The following MCC variants were observed in gnomAD, a reference collection of about 807,000 sequenced individuals.
The protein encoded by MCC is MCC regulator of Wnt signaling pathway, also known as colorectal mutant cancer protein.
MCC carries 90 observed loss-of-function variants against 116.2 expected under a neutral mutation model. The ratio of observed to expected loss-of-function variants is 0.77; its 90% CI spans 0.65 to 0.92. MCC has a LOEUF of 0.92. MCC is among the 40% of genes least tolerant of loss of function. The probability of loss-of-function intolerance (pLI) is 0.00; values close to 1 mark genes in which losing one functional copy is unlikely to be tolerated. For synonymous variants in MCC, 578 were observed against 510.5 expected, an observed-to-expected ratio of 1.13 and a Z score of -1.78; for missense variants, 1,516 against 1,312.2, an observed-to-expected ratio of 1.16 and a Z score of -2.40.
chr5:113,428,191 C>T (rs1770532235), intron 1 of MCC, among the ~76,000 whole-genome samples: 1 of 152,126 alleles, frequency 6.6e-6, no homozygotes, highest in Non-Finnish European at 1.5e-5. Context: ...AATCTTCAAC[C>T]TCTAGTACAA....
intron 3 of MCC, among the ~76,000 whole-genome samples, chr5:113,159,087 T>C (rs753807769): frequency 6.6e-6 from 1 of 152,186 alleles, no homozygotes; most frequent in Admixed American, 6.5e-5. Context: ...CCTCCAATGC[T>C]GTGATGAAGC....
intron 1 of MCC, among the ~76,000 whole-genome samples, chr5:113,416,128 G>A (rs377419828): frequency 3.3e-5 from 5 of 152,170 alleles, no homozygotes; most frequent in South Asian, 2.1e-4. Context: ...GAAATCACCC[G>A]TCTTCTGCAT....
At chr5:113,450,927 G>C (rs776659162) in intron 1 of MCC, among the ~76,000 whole-genome samples, 1 of 152,138 alleles carries the variant, frequency 6.6e-6, no homozygotes, top group African/African-American at 2.4e-5. Flanking sequence ...CTTGTAGGTT[G>C]TAATTCATCC....
chr5:113,266,824 C>T (rs1192462587), intron 3 of MCC, among the ~76,000 whole-genome samples: 4 of 151,876 alleles, frequency 2.6e-5, no homozygotes, highest in South Asian at 2.1e-4. Flanking sequence ...AAAAAAAAAC[C>T]TAACAAAAAA....
intron 17 of MCC, among the ~76,000 whole-genome samples, chr5:113,040,183 G>A (rs546492745): frequency 2.0e-4 from 7 of 34,372 alleles, no homozygotes; most frequent in South Asian, 2.6e-3. Flanking sequence ...CAGTAAAGGC[G>A]GGGTGGCATG....
intron 6 of MCC, among the ~76,000 whole-genome samples, chr5:113,116,120 T>A (rs989434995): frequency 1.3e-5 from 2 of 152,138 alleles, no homozygotes. Flanking sequence ...AGATCCCCTT[T>A]AGATAGGCTG....
At chr5:113,087,624 G>T (rs115384792) in intron 8 of MCC, among the ~76,000 whole-genome samples, 1 of 152,048 alleles carries the variant, frequency 6.6e-6, no homozygotes, top group Non-Finnish European at 1.5e-5. Context: ...TCAACCTCCC[G>T]GTGAATTTCA....
intron 13 of MCC, among the ~76,000 whole-genome samples, chr5:113,067,249 C>T (rs538952539): frequency 3.4e-4 from 52 of 152,228 alleles, no homozygotes; most frequent in Middle Eastern, 3.4e-3. Context: ...CACAGGAAAG[C>T]GAGGTGGGCG....
At chr5:113,362,929 A>G (rs1419966415) in intron 2 of MCC, among the ~76,000 whole-genome samples, 1 of 152,102 alleles carries the variant, frequency 6.6e-6, no homozygotes, top group Non-Finnish European at 1.5e-5. Context: ...ATTTTATGTT[A>G]TGTTAAAAAC....
rs527755817 is a variant in MCC at position 113,186,009 on chromosome 5, A to AT, written c.628-34588dup. 4.4e-4 allele frequency among the ~76,000 whole-genome samples: 67 copies of AT among 151,582 alleles called. No individual in the cohort carries two copies. The South Asian group carries it at 0.011, about 25-fold the overall frequency. ...GAGATCTGAAAACAAGGACTGTATGATTTTTTTTTAAGTGCAATGACAGTG... is the reference window on the plus strand; with the variant it reads ...GAGATCTGAAAACAAGGACTGTATGATTTTTTTTTTAAGTGCAATGACAGTG... On this transcript the variant is annotated intron_variant, in intron 3 of 18. Coordinates refer to ENST00000408903, the MANE Select transcript of MCC (RefSeq NM_001085377.2).
chr5:113,099,686 G>A (rs756619046), intron 8 of MCC, among the ~76,000 whole-genome samples: 10 of 152,346 alleles, frequency 6.6e-5, no homozygotes, highest in Non-Finnish European at 1.2e-4. Context: ...TCTGGCTCCA[G>A]AGCCCTGGTA....
intron 3 of MCC, among the ~76,000 whole-genome samples, chr5:113,266,238 TACACACAC>T (rs58228493): frequency 4.7e-5 from 7 of 149,110 alleles, no homozygotes; most frequent in East Asian, 2.0e-4. Flanking sequence ...TCACCCCTTC[TACACACAC>T]ACACACACAC....
At chr5:113,217,770 C>T (rs900558394) in intron 3 of MCC, among the ~76,000 whole-genome samples, 4 of 152,012 alleles carry the variant, frequency 2.6e-5, no homozygotes, top group African/African-American at 7.3e-5. Context: ...GGAGTGAAAC[C>T]GGAGAACTCA....
chr5:113,108,559 A>G (rs1397895386), intron 6 of MCC, among the ~76,000 whole-genome samples: 1 of 151,118 alleles, frequency 6.6e-6, no homozygotes, highest in African/African-American at 2.4e-5. Flanking sequence ...AGGCTGAGGC[A>G]GGAGAATCGC....
intron 11 of MCC, among the ~76,000 whole-genome samples, chr5:113,075,319 C>T (rs1296503116): frequency 6.6e-6 from 1 of 152,240 alleles, no homozygotes; most frequent in African/African-American, 2.4e-5. Flanking sequence ...GAGCCCCCCT[C>T]ACCCCCTGTG....
chr5:113,184,251 A>G (rs1761774884), intron 3 of MCC, among the ~76,000 whole-genome samples: 1 of 152,190 alleles, frequency 6.6e-6, no homozygotes, highest in Non-Finnish European at 1.5e-5. Flanking sequence ...CTCTGTTTCT[A>G]TTTAAGATAG....
chr5:113,164,307 T>A (rs1760657445), intron 3 of MCC, among the ~76,000 whole-genome samples: 1 of 152,212 alleles, frequency 6.6e-6, no homozygotes, highest in Admixed American at 6.5e-5. Context: ...AAATTTTACC[T>A]TACATAGCAA....
At chr5:113,286,026 C>G (rs1766242152) in intron 3 of MCC, among the ~76,000 whole-genome samples, 1 of 152,210 alleles carries the variant, frequency 6.6e-6, no homozygotes, top group Non-Finnish European at 1.5e-5. Context: ...TTGGTCCAAA[C>G]AACAACTTCA....
chr5:113,346,864 T>C (rs1311039747), intron 2 of MCC, among the ~76,000 whole-genome samples: 9 of 151,268 alleles, frequency 5.9e-5, no homozygotes. Flanking sequence ...GGAGTTCCAA[T>C]ATGTCTGGAA....
Sources: gnomAD v4.1 joint callset for allele counts (sites outside exome capture counted in the v4.1 genomes callset) on GRCh38, gnomAD v4.1.1 for gene constraint, MANE v1.5 for transcripts, NCBI Gene and HGNC (gene_info 2026-07-23, HGNC 2026-07-21) for gene names.